CTNND2: variants seen among roughly 807,000 people sequenced by gnomAD.
CTNND2 encodes the protein catenin delta 2.
In CTNND2, 22 loss-of-function variants were observed where a neutral mutation model predicts 144.4. The ratio of observed to expected loss-of-function variants is 0.15; its 90% CI spans 0.11 to 0.22. The LOEUF is 0.22. Ranked by LOEUF, CTNND2 falls within the 10% of genes least tolerant of loss-of-function variation. The pLI is 1.00. For synonymous variants in CTNND2, 751 were observed against 695.6 expected (o/e 1.08, Z -1.25); for missense variants, 1,353 against 1,618.8 (o/e 0.84, Z 2.82).
intron 3 of CTNND2, among the ~76,000 whole-genome samples, chr5:11,475,450 G>T (rs775390611): frequency 6.6e-6 from 1 of 152,154 alleles, no homozygotes; most frequent in African/African-American, 2.4e-5. Context: ...CATTTATTAT[G>T]TACCTAATTT....
In CTNND2 at chr5:11,411,645, T is replaced by C; in HGVS notation, c.330A>G (p.Gln110=). 6.3e-7 allele frequency: 1 copy of C among 1,593,068 alleles called. No homozygotes were observed. The highest frequency in any genetic ancestry group is 8.6e-7 in the Non-Finnish European group (1 of 1,163,292). The change falls in exon 5 of 22, where the codon CAA becomes CAG. Residue 110 remains glutamine (Q), a synonymous_variant. Transcript: ENST00000304623. ...EQFQWQSQDG[Q]KDIEDELTTG... ...TTGTAAGCTCATCTTCGATATCTTT[T>C]TGACCATCTGAAATGAAATATTTTA...
chr5:11,153,453 C>T (rs1757934904), intron 12 of CTNND2, among the ~76,000 whole-genome samples: 1 of 152,178 alleles, frequency 6.6e-6, no homozygotes. Flanking sequence ...AATTCCTCTT[C>T]TTACCTGTGG....
chr5:11,074,668 A>G (rs1414498573), intron 16 of CTNND2, among the ~76,000 whole-genome samples: 6 of 152,172 alleles, frequency 3.9e-5, no homozygotes, highest in African/African-American at 1.2e-4. Context: ...CCCTGTTCTC[A>G]CCACCCCTCA....
chr5:11,414,098 G>A (rs956663340), intron 3 of CTNND2, among the ~76,000 whole-genome samples: 39 of 152,250 alleles, frequency 2.6e-4, no homozygotes, highest in South Asian at 8.3e-4. Context: ...AGACAAAAAT[G>A]GAGAAGGGCA....
chr5:11,261,309 G>A (rs1017163595), intron 9 of CTNND2, among the ~76,000 whole-genome samples: 7 of 152,124 alleles, frequency 4.6e-5, no homozygotes, highest in African/African-American at 1.4e-4. Context: ...AAGGGGCATG[G>A]GCTTGAGCCT....
intron 20 of CTNND2, among the ~76,000 whole-genome samples, chr5:10,984,099 T>G (rs1422943867): frequency 6.6e-6 from 1 of 152,192 alleles, no homozygotes; most frequent in Non-Finnish European, 1.5e-5. Context: ...CAGTTTCTTC[T>G]TCCTACTAAA....
chr5:11,735,057 G>C (rs2126749495), intron 1 of CTNND2, among the ~76,000 whole-genome samples: 1 of 152,228 alleles, frequency 6.6e-6, no homozygotes, highest in Middle Eastern at 3.4e-3. Flanking sequence ...GAGAAGGTTT[G>C]GGGAAATAAT....
intron 5 of CTNND2, among the ~76,000 whole-genome samples, chr5:11,407,021 T>A (rs1761153828): frequency 6.6e-6 from 1 of 152,212 alleles, no homozygotes; most frequent in Non-Finnish European, 1.5e-5. Context: ...TTTTCCAGGT[T>A]ATCCTTTCTA....
chr5:11,577,340 T>C (rs1344819162), intron 2 of CTNND2, among the ~76,000 whole-genome samples: 1 of 152,188 alleles, frequency 6.6e-6, no homozygotes, highest in Non-Finnish European at 1.5e-5. Context: ...TGTTGACAGT[T>C]CTAAGTCTAG....
intron 1 of CTNND2, among the ~76,000 whole-genome samples, chr5:11,789,906 A>T (rs936160232): frequency 1.3e-5 from 2 of 152,200 alleles, no homozygotes; most frequent in African/African-American, 4.8e-5. Flanking sequence ...TTTGTTTTTT[A>T]ACCAAGATTG....
At chr5:11,861,512 G>T (rs1375103695) in intron 1 of CTNND2, among the ~76,000 whole-genome samples, 1 of 152,260 alleles carries the variant, frequency 6.6e-6, no homozygotes, top group East Asian at 1.9e-4. Flanking sequence ...ATAACCAGAA[G>T]ATGATCACCT....
chr5:11,732,355 A>G lies in CTNND2; in HGVS notation c.38-83T>C, dbSNP rs1787439486. The G allele has an allele frequency of 2.7e-5, 37 of 1,387,282 alleles. No homozygotes were observed. The South Asian group carries it at 4.8e-4, about 18-fold the overall frequency. The allele number at this position is 1,387,282 out of a possible 1,614,324, so 85.9% of individuals were successfully genotyped here. The stretch of plus-strand genomic sequence containing the variant: ...CTATCAGACCACTTTGAAGATACAC[A>G]CAGAAAAAAAAGTAAAACTATAAGC... On this transcript the variant is annotated intron_variant, in intron 1 of 21. Coordinates refer to ENST00000304623, the MANE Select transcript of CTNND2 (RefSeq NM_001332.4).
At chr5:11,152,568 T>G (rs1043892989) in intron 12 of CTNND2, among the ~76,000 whole-genome samples, 1 of 152,186 alleles carries the variant, frequency 6.6e-6, no homozygotes, top group Non-Finnish European at 1.5e-5. Flanking sequence ...ATGCCATGCA[T>G]GACTGTATAA....
At chr5:11,000,173 C>T (rs996278519) in intron 18 of CTNND2, among the ~76,000 whole-genome samples, 10 of 152,334 alleles carry the variant, frequency 6.6e-5, no homozygotes, top group Middle Eastern at 6.8e-3. Flanking sequence ...AGCTTTCATT[C>T]GGACTGGTCT....
At chr5:11,166,802 C>G (rs903088478) in intron 11 of CTNND2, among the ~76,000 whole-genome samples, 2 of 152,054 alleles carry the variant, frequency 1.3e-5, no homozygotes, top group African/African-American at 4.8e-5. Context: ...AATATGGCCC[C>G]GAGAAGCAAT....
At chr5:11,222,642 C>CA (rs1455534566) in intron 10 of CTNND2, among the ~76,000 whole-genome samples, 17 of 152,046 alleles carry the variant, frequency 1.1e-4, no homozygotes, top group African/African-American at 4.1e-4. Flanking sequence ...CCTGTCTCTA[C>CA]AAAAAATAAA....
chr5:10,996,973 G>C (rs570610240), intron 18 of CTNND2, among the ~76,000 whole-genome samples: 1 of 152,278 alleles, frequency 6.6e-6, no homozygotes, highest in South Asian at 2.1e-4. Flanking sequence ...GGAATATATG[G>C]GGGATAACTG....
intron 2 of CTNND2, among the ~76,000 whole-genome samples, chr5:11,681,550 A>G (rs1784422614): frequency 6.6e-6 from 1 of 151,896 alleles, no homozygotes; most frequent in African/African-American, 2.4e-5. Flanking sequence ...CTCTTGAGGA[A>G]AAAAAAAATT....
At chr5:11,044,988 T>C (rs852636) in intron 16 of CTNND2, among the ~76,000 whole-genome samples, 84,266 of 152,120 alleles carry the variant, frequency 0.55, 24,605 homozygotes, top group Non-Finnish European at 0.68. Context: ...CAGTGGATTA[T>C]TACAAACAGG....
Sources: gnomAD v4.1 joint callset for allele counts (sites outside exome capture counted in the v4.1 genomes callset) on GRCh38, gnomAD v4.1.1 for gene constraint, MANE v1.5 for transcripts, NCBI Gene and HGNC (gene_info 2026-07-23, HGNC 2026-07-21) for gene names.